Variants in ATRNL1 observed in about 807,000 individuals in gnomAD.
The protein encoded by ATRNL1 is attractin like 1, also known as attractin-like protein 1.
Under a neutral mutation model 182.7 loss-of-function variants are expected in ATRNL1, and 95 were observed. The ratio of observed to expected loss-of-function variants is 0.52; its 90% confidence interval spans 0.44 to 0.62. The LOEUF is 0.62. Ranked by LOEUF, ATRNL1 falls within the 20% of genes least tolerant of loss-of-function variation. The pLI, the probability that ATRNL1 is intolerant of heterozygous loss-of-function variation, is 0.00. For synonymous variants in ATRNL1, 576 were observed against 568.3 expected (o/e 1.01, Z -0.19); for missense variants, 1,471 against 1,679.5 (o/e 0.88, Z 2.17).
chr10:115,805,755 T>A (rs377333182), intron 27 of ATRNL1, among the ~76,000 whole-genome samples: 1 of 152,146 alleles, frequency 6.6e-6, no homozygotes, highest in Non-Finnish European at 1.5e-5. Context: ...ATCTGGTATG[T>A]TTGTCACTTA....
chr10:115,264,546 TATATG>T (rs1851526013), intron 10 of ATRNL1, among the ~76,000 whole-genome samples: 2 of 151,588 alleles, frequency 1.3e-5, no homozygotes, highest in African/African-American at 4.8e-5. Flanking sequence ...TACGTTAGTA[TATATG>T]TCAGTTCTGA....
intron 21 of ATRNL1, among the ~76,000 whole-genome samples, chr10:115,445,414 GA>G (rs1369007074): frequency 9.1e-6 from 1 of 110,392 alleles, no homozygotes; most frequent in Admixed American, 1.3e-4. Context: ...CTGGGTGACA[GA>G]GTGAGATTTC....
chr10:115,136,879 T>C (rs1845538291), intron 5 of ATRNL1, among the ~76,000 whole-genome samples: 1 of 152,188 alleles, frequency 6.6e-6, no homozygotes, highest in Non-Finnish European at 1.5e-5. Flanking sequence ...TAAAATTTGT[T>C]TAAATTTTAG....
intron 14 of ATRNL1, among the ~76,000 whole-genome samples, chr10:115,284,814 AAAC>A (rs1554918133): frequency 6.6e-6 from 1 of 152,222 alleles, no homozygotes; most frequent in African/African-American, 2.4e-5. Flanking sequence ...CAAAAATATA[AAAC>A]AATAAAAATA....
intron 1 of ATRNL1, among the ~76,000 whole-genome samples, chr10:115,099,773 A>C (rs1370815622): frequency 6.6e-6 from 1 of 152,202 alleles, no homozygotes; most frequent in South Asian, 2.1e-4. Flanking sequence ...CATGTTAAAA[A>C]AATTTTCTTA....
At chr10:115,865,224 T>C (rs765246652) in intron 28 of ATRNL1, among the ~76,000 whole-genome samples, 12 of 152,112 alleles carry the variant, frequency 7.9e-5, no homozygotes, top group Non-Finnish European at 1.6e-4. Context: ...TACTCAATAA[T>C]AGTATATTAA....
intron 26 of ATRNL1, among the ~76,000 whole-genome samples, chr10:115,670,662 G>A (rs1789008831): frequency 6.6e-6 from 1 of 152,022 alleles, no homozygotes; most frequent in African/African-American, 2.4e-5. Context: ...AGCATATAAG[G>A]TTGATACTTT....
intron 26 of ATRNL1, among the ~76,000 whole-genome samples, chr10:115,686,886 CTT>C (rs1401481870): frequency 6.6e-6 from 1 of 152,040 alleles, no homozygotes; most frequent in South Asian, 2.1e-4. Flanking sequence ...TTAAGGGTGA[CTT>C]ATATTCAAAA....
intron 28 of ATRNL1, among the ~76,000 whole-genome samples, chr10:115,858,539 G>C (rs1330958153): frequency 2.0e-5 from 3 of 152,156 alleles, no homozygotes; most frequent in South Asian, 4.1e-4. Context: ...GAGCCTGTCG[G>C]GGGAGAGAGG....
chr10:115,350,811 A>G (rs1450357813), intron 19 of ATRNL1, among the ~76,000 whole-genome samples: 3 of 152,048 alleles, frequency 2.0e-5, no homozygotes, highest in Admixed American at 6.6e-5. Flanking sequence ...GAAGAATGTC[A>G]TTGGTATTTT....
chr10:115,430,420 T>TTTTTTTACATTTTTTTACATTTTTA (rs1411045164), intron 21 of ATRNL1, among the ~76,000 whole-genome samples: 1 of 152,144 alleles, frequency 6.6e-6, no homozygotes, highest in Non-Finnish European at 1.5e-5. Flanking sequence ...TTTAAAATTA[T>TTTTTTTACATTTTTTTACATTTTTA]CATTTTTTTA....
At chr10:115,193,556 G>A (rs1848244668) in intron 8 of ATRNL1, among the ~76,000 whole-genome samples, 2 of 151,682 alleles carry the variant, frequency 1.3e-5, no homozygotes, top group Admixed American at 1.3e-4. Flanking sequence ...GGTATCCCTT[G>A]TAATGTCTCC....
chr10:115,721,667 A>G (rs1258489090), intron 26 of ATRNL1, among the ~76,000 whole-genome samples: 6 of 152,156 alleles, frequency 3.9e-5, no homozygotes, highest in African/African-American at 1.2e-4. Context: ...AGTTCCTCCC[A>G]CTCGGTCCCT....
chr10:115,578,707 T>C (rs1161379744), intron 26 of ATRNL1, among the ~76,000 whole-genome samples: 8 of 151,616 alleles, frequency 5.3e-5, no homozygotes, highest in Non-Finnish European at 1.0e-4. Context: ...ATATTTCCTA[T>C]AGTTTTTCTC....
intron 27 of ATRNL1, among the ~76,000 whole-genome samples, chr10:115,822,092 G>A (rs1234747266): frequency 6.6e-6 from 1 of 152,178 alleles, no homozygotes; most frequent in Non-Finnish European, 1.5e-5. Flanking sequence ...TTAGACCACA[G>A]TGCAATCAAA....
intron 21 of ATRNL1, among the ~76,000 whole-genome samples, chr10:115,431,504 G>C (rs1446876191): frequency 2.0e-5 from 3 of 151,898 alleles, no homozygotes; most frequent in Non-Finnish European, 4.4e-5. Flanking sequence ...CTCATCAGCT[G>C]TTTGGTTGCT....
intron 19 of ATRNL1, among the ~76,000 whole-genome samples, chr10:115,352,815 A>G (rs752346219): frequency 1.3e-5 from 2 of 152,058 alleles, no homozygotes; most frequent in African/African-American, 4.8e-5. Flanking sequence ...CAGGAGAATC[A>G]CTTAAACCTG....
At chr10:115,538,144 A>G (rs1346251484) in intron 25 of ATRNL1, among the ~76,000 whole-genome samples, 1 of 152,228 alleles carries the variant, frequency 6.6e-6, no homozygotes, top group Non-Finnish European at 1.5e-5. Flanking sequence ...ACTTATAAAT[A>G]ATGCTGCTGT....
At chr10:115,824,903 G>C (rs1950392562) in intron 27 of ATRNL1, among the ~76,000 whole-genome samples, 1 of 152,184 alleles carries the variant, frequency 6.6e-6, no homozygotes, top group Non-Finnish European at 1.5e-5. Flanking sequence ...TATTCCCAAA[G>C]GAGTTTAAAT....
Sources: gnomAD v4.1 joint callset for allele counts (sites outside exome capture counted in the v4.1 genomes callset) on GRCh38, gnomAD v4.1.1 for gene constraint, MANE v1.5 for transcripts, NCBI Gene and HGNC (gene_info 2026-07-23, HGNC 2026-07-21) for gene names.